ELFN1: variants seen among roughly 807,000 people sequenced by gnomAD.
The protein encoded by ELFN1 is protein ELFN1.
Under a neutral mutation model 7.6 loss-of-function variants are expected in ELFN1, and 6 were observed. The observed-to-expected ratio is 0.79, with a 90% CI of 0.43 to 1.56. The LOEUF is 1.56. Ranked by LOEUF, ELFN1 falls within the 40% of genes most tolerant of loss-of-function variation. The pLI, the probability that ELFN1 is intolerant of heterozygous loss-of-function variation, is 0.01. For missense variants in ELFN1, 1,169 were observed against 1,232.2 expected, an observed-to-expected ratio of 0.95 and a Z score of 0.77; for synonymous variants, 657 against 588.1, an observed-to-expected ratio of 1.12 and a Z score of -1.70.
In ELFN1 at chr7:1,746,606, C is replaced by T. The variant is rs777797921; in HGVS notation, c.2010C>T (p.Ile670=). The T allele has an allele frequency of 1.9e-5, 25 of 1,349,044 alleles. 1 individual carries two copies. In the East Asian group the frequency reaches 4.3e-4, roughly 23 times the overall value. The allele number at this position is 1,349,044 out of a possible 1,614,324, so 83.6% of individuals were successfully genotyped here. ...CCGCGGCCGCCGAGGCCAAGTACATCGAGAAGGGCTCCCCCGCGGCCGACG... is the reference window on the plus strand; with the variant it reads ...CCGCGGCCGCCGAGGCCAAGTACATTGAGAAGGGCTCCCCCGCGGCCGACG... ...HKAAAAEAKY[I]EKGSPAADAI... Residue 670 remains isoleucine, a synonymous_variant, in exon 4 of 4, where the codon ATC becomes ATT. Transcript: ENST00000424383.
chr7:1,692,404 C>G (rs949327586), intron 2 of ELFN1: 3 of 152,394 alleles, frequency 2.0e-5, no homozygotes, highest in African/African-American at 7.2e-5. Flanking sequence ...TAGGGCACAC[C>G]TCTCTCCCAA....
intron 3 of ELFN1, among the ~76,000 whole-genome samples, chr7:1,733,154 G>T (rs977935966): frequency 6.6e-6 from 1 of 152,180 alleles, no homozygotes; most frequent in African/African-American, 2.4e-5. Flanking sequence ...ACCCACCTCG[G>T]CTTCCCAAAA....
rs527383893 is a variant in ELFN1 at position 1,741,282 on chromosome 7, C to T, written c.-293-3022C>T. Among the ~76,000 whole-genome samples the T allele has an allele frequency of 9.8e-5, 15 of 152,332 alleles. No homozygotes were observed. The South Asian group carries it at 1.4e-3, about 15-fold the overall frequency. On this transcript the variant is annotated intron_variant, in intron 3 of 3. Coordinates refer to ENST00000424383, the MANE Select transcript of ELFN1 (RefSeq NM_001128636.4). ...GCCACACTGGGAAGTCGTGCCCACA[C>T]GCCCTAAAGATCTCCCTGCCCAGGA...
In ELFN1 at chr7:1,746,922, A is replaced by G; in HGVS notation, c.2326A>G (p.Ile776Val). 1 of 1,549,398 alleles carries G rather than the reference A, an allele frequency of 6.5e-7. No individual in the cohort carries two copies. Among genetic ancestry groups the G allele is most frequent in the Admixed American group, 2.0e-5 (1 of 50,842 alleles). The change falls in exon 4 of 4, where the codon ATC becomes GTC. Residue 776 changes from isoleucine (I) to valine (V), a missense_variant. Transcript: ENST00000424383. ...GTACACCTGCCGGGCCTCCCAGAGC[A>G]TCTGGGAGCGCTTCAGACTGAGCCG... Reference protein sequence around the residue: ...PEYTCRASQSIWERFRLSRRR... With the variant: ...PEYTCRASQSVWERFRLSRRR...
chr7:1,738,065 G>A (rs1381939759), intron 3 of ELFN1, among the ~76,000 whole-genome samples: 1 of 152,178 alleles, frequency 6.6e-6, no homozygotes, highest in African/African-American at 2.4e-5. Context: ...AGCAGACCTC[G>A]CCAGCGGCTG....
At chr7:1,711,616 GAGA>G (rs1562369965) in intron 3 of ELFN1, among the ~76,000 whole-genome samples, 2,094 of 147,762 alleles carry the variant, frequency 0.014, 69 homozygotes, top group African/African-American at 0.052. Flanking sequence ...GAGAGAGAGA[GAGA>G]GAGAGAGAAT....
At position 1,699,888 on chromosome 7, in the gene ELFN1, G is replaced by C. The variant is rs1779390400; in HGVS notation, c.-455-9203G>C. On this transcript the variant is annotated intron_variant, in intron 2 of 3. Transcript: ENST00000424383. ...CCTGCTAATTTTTGTATTTTCAGTA[G>C]AGATGGGCACCATGTTGGCCAGGCT... is the stretch of plus-strand genomic sequence containing the variant. Among the ~76,000 whole-genome samples the C allele has an allele frequency of 2.0e-5, 3 of 152,046 alleles. No individual in the cohort carries two copies. In the South Asian group the frequency reaches 6.2e-4, roughly 32 times the overall value.
intron 2 of ELFN1, among the ~76,000 whole-genome samples, chr7:1,698,125 T>C (rs962452448): frequency 1.3e-5 from 2 of 152,256 alleles, no homozygotes; most frequent in African/African-American, 2.4e-5. Context: ...TATCCTTTTT[T>C]TCATAGGATG....
chr7:1,681,207 T>C (rs558506880), intron 1 of ELFN1, among the ~76,000 whole-genome samples: 307 of 152,362 alleles, frequency 2.0e-3, no homozygotes, highest in African/African-American at 6.5e-3. Flanking sequence ...TAGTATTCTA[T>C]TGTATTGCTA....
chr7:1,674,908 C>T (rs991284514), intron 1 of ELFN1, among the ~76,000 whole-genome samples: 3 of 151,550 alleles, frequency 2.0e-5, no homozygotes, highest in Non-Finnish European at 4.4e-5. Flanking sequence ...GCTAGAGCCC[C>T]CAATTCAATC....
chr7:1,707,448 C>T (rs1010633023), intron 2 of ELFN1, among the ~76,000 whole-genome samples: 7 of 152,298 alleles, frequency 4.6e-5, no homozygotes, highest in East Asian at 1.9e-4. Context: ...CGCCCTGCAT[C>T]GCAGCATCTG....
At chr7:1,712,013 A>G (rs996307999) in intron 3 of ELFN1, among the ~76,000 whole-genome samples, 1 of 152,126 alleles carries the variant, frequency 6.6e-6, no homozygotes, top group Non-Finnish European at 1.5e-5. Flanking sequence ...GGCTGTGCGG[A>G]CCCCAGGCCT....
intron 1 of ELFN1, among the ~76,000 whole-genome samples, chr7:1,674,574 G>A (rs1778830840): frequency 2.0e-5 from 3 of 152,126 alleles, no homozygotes; most frequent in African/African-American, 4.8e-5. Flanking sequence ...GGAAGGGAAG[G>A]TGTGAGGCCC....
At chr7:1,713,411 C>T (rs931158740) in intron 3 of ELFN1, among the ~76,000 whole-genome samples, 4 of 152,188 alleles carry the variant, frequency 2.6e-5, no homozygotes, top group African/African-American at 9.7e-5. Flanking sequence ...GCATTGTTTC[C>T]GAGATCCCTT....
At chr7:1,726,688 T>G (rs1780206454) in intron 3 of ELFN1, among the ~76,000 whole-genome samples, 1 of 151,924 alleles carries the variant, frequency 6.6e-6, no homozygotes, top group South Asian at 2.1e-4. Context: ...GGTGAGCAGG[T>G]GGGAGGTGAC....
chr7:1,733,985 AAG>A (rs1197718113), intron 3 of ELFN1, among the ~76,000 whole-genome samples: 1 of 152,142 alleles, frequency 6.6e-6, no homozygotes, highest in Non-Finnish European at 1.5e-5. Context: ...GATCATCAGA[AAG>A]GCTTTCCCAG....
chr7:1,693,466 G>T (rs4720922), intron 2 of ELFN1: 117,253 of 471,176 alleles, frequency 0.25, 16,261 homozygotes, highest in Admixed American at 0.3. Context: ...GGTGCACCCA[G>T]ACAGGTGCGT....
At chr7:1,743,001 C>G (rs1207647399) in intron 3 of ELFN1, among the ~76,000 whole-genome samples, 1 of 152,242 alleles carries the variant, frequency 6.6e-6, no homozygotes, top group African/African-American at 2.4e-5. Flanking sequence ...CAAGCAAACA[C>G]ACCCATTTCT....
intron 1 of ELFN1, among the ~76,000 whole-genome samples, chr7:1,686,265 C>A (rs1779060782): frequency 6.6e-6 from 1 of 150,664 alleles, no homozygotes; most frequent in Non-Finnish European, 1.5e-5. Context: ...ATTCATTTTC[C>A]CCTGATGTGT....
Sources: allele counts gnomAD v4.1 joint callset (sites outside exome capture counted in the v4.1 genomes callset), GRCh38; gene constraint gnomAD v4.1.1; transcripts MANE v1.5; gene names NCBI Gene and HGNC (gene_info 2026-07-23, HGNC 2026-07-21).